Variants in KLRD1 observed in about 807,000 individuals in gnomAD.
KLRD1 encodes the protein killer cell lectin like receptor D1.
Under a neutral mutation model 22.6 loss-of-function variants are expected in KLRD1, and 21 were observed. The ratio of observed to expected loss-of-function variants is 0.93; its 90% confidence interval spans 0.66 to 1.34. The LOEUF is 1.34. Among genes scored for constraint, KLRD1 ranks in the 40% most tolerant of loss-of-function variants. The pLI, the probability that KLRD1 is intolerant of heterozygous loss-of-function variation, is 0.00. For missense variants in KLRD1, 183 were observed against 208.6 expected (o/e 0.88, Z 0.76); for synonymous variants, 59 against 71.1 (o/e 0.83, Z 0.85).
In KLRD1 at chr12:10,315,646, C is replaced by T. The variant is rs1225415816; in HGVS notation, c.*853C>T. ...AAAAATTTAAAATAATACAGGCAAGCATGTAATGATTATCAATATTTTTTT... is the reference window on the plus strand; with the variant it reads ...AAAAATTTAAAATAATACAGGCAAGTATGTAATGATTATCAATATTTTTTT... On this transcript the variant is annotated 3_prime_UTR_variant, in exon 6 of 6. Transcript: ENST00000336164. The T allele has an allele frequency of 1.3e-5, 2 of 152,614 alleles. No homozygotes were observed. The highest frequency in any genetic ancestry group is 2.9e-5 in the Non-Finnish European group (2 of 68,426). 9.5% of individuals were successfully genotyped at this position (152,614 alleles called of 1,614,324 possible). A position where few individuals can be genotyped will look rare whatever the true frequency, so the allele number is the denominator to read the frequency against.
intron 1 of KLRD1, among the ~76,000 whole-genome samples, chr12:10,271,386 G>A (rs910696442): frequency 6.6e-6 from 1 of 152,084 alleles, no homozygotes; most frequent in African/African-American, 2.4e-5. Context: ...GGCCATCGCC[G>A]CCTGGTTGAC....
chr12:10,292,763 C>T (rs1386726000), intron 1 of KLRD1, among the ~76,000 whole-genome samples: 1 of 152,144 alleles, frequency 6.6e-6, no homozygotes, highest in African/African-American at 2.4e-5. Context: ...GAGAGCCAGC[C>T]TGTCCTTTGA....
chr12:10,243,387 G>A (rs903775247), intron 1 of KLRD1, among the ~76,000 whole-genome samples: 16 of 152,060 alleles, frequency 1.1e-4, no homozygotes, highest in African/African-American at 3.6e-4. Context: ...GCCAAGGCAG[G>A]TGGATCACCT....
intron 1 of KLRD1, among the ~76,000 whole-genome samples, chr12:10,256,226 A>T (rs186745788): frequency 1.3e-5 from 2 of 151,922 alleles, no homozygotes; most frequent in East Asian, 3.9e-4. Context: ...TCTTTTATAG[A>T]CACCTTCTTA....
rs896070606 is a variant in KLRD1 at position 10,318,685 on chromosome 12, A to G, written c.*3892A>G. On this transcript the variant is annotated 3_prime_UTR_variant, in exon 6 of 6. Coordinates refer to ENST00000336164, the MANE Select transcript of KLRD1 (RefSeq NM_002262.5). Reference sequence around the variant, plus strand: ...ACGGTGAAACCCCGTGTGTACTACAAGTACAAAAAAATTAGCCAGGCGTGG... The same window carrying G: ...ACGGTGAAACCCCGTGTGTACTACAGGTACAAAAAAATTAGCCAGGCGTGG... 6 of 152,098 alleles carry G rather than the reference A, an allele frequency of 3.9e-5. No individual in the cohort carries two copies. The highest frequency in any genetic ancestry group is 1.4e-4 in the African/African-American group (6 of 41,380). 9.4% of individuals were successfully genotyped at this position (152,098 alleles called of 1,614,324 possible). A position where few individuals can be genotyped will look rare whatever the true frequency, so the allele number is the denominator to read the frequency against.
chr12:10,291,286 A>G (rs1949768006), intron 1 of KLRD1, among the ~76,000 whole-genome samples: 1 of 152,088 alleles, frequency 6.6e-6, no homozygotes. Flanking sequence ...GACAGTGGCA[A>G]TTTCTAAAAA....
intron 1 of KLRD1, among the ~76,000 whole-genome samples, chr12:10,281,409 T>G (rs1273120270): frequency 6.6e-6 from 1 of 152,184 alleles, no homozygotes; most frequent in Non-Finnish European, 1.5e-5. Flanking sequence ...AGCAATAGTA[T>G]ACTAAGACAG....
intron 1 of KLRD1, among the ~76,000 whole-genome samples, chr12:10,244,090 G>C (rs1197166648): frequency 6.6e-6 from 1 of 152,042 alleles, no homozygotes; most frequent in Non-Finnish European, 1.5e-5. Flanking sequence ...GTGGCAAATA[G>C]GTCACTTGTT....
At chr12:10,280,336 T>G (rs1430451478) in intron 1 of KLRD1, among the ~76,000 whole-genome samples, 1 of 152,346 alleles carries the variant, frequency 6.6e-6, no homozygotes, top group Non-Finnish European at 1.5e-5. Flanking sequence ...AGAATAGAGA[T>G]GGACCGCTTC....
intron 1 of KLRD1, among the ~76,000 whole-genome samples, chr12:10,284,395 A>G (rs1047556193): frequency 5.3e-5 from 8 of 152,288 alleles, no homozygotes; most frequent in African/African-American, 1.7e-4. Flanking sequence ...AATTGAGTAT[A>G]ATTTAATCCA....
chr12:10,289,071 A>G (rs1949739936), intron 1 of KLRD1, among the ~76,000 whole-genome samples: 1 of 152,216 alleles, frequency 6.6e-6, no homozygotes, highest in Non-Finnish European at 1.5e-5. Flanking sequence ...CAATGTAGAC[A>G]GTTTTGCCTA....
In KLRD1 at chr12:10,328,935, T is replaced by A. The variant is rs3937752; in HGVS notation, c.*14142T>A. 0.56 allele frequency: 84,675 copies of A among 151,908 alleles called. 24,018 individuals are homozygous for A. Among genetic ancestry groups the A allele is most frequent in the East Asian group, 0.8 (4,122 of 5,148 alleles). 9.4% of individuals were successfully genotyped at this position (151,908 alleles called of 1,614,324 possible). ...GGGGGTTTCCCCTTATAAAACCATC[T>A]GATTTCATAAGACTGATTCACTACC... On this transcript the variant is annotated 3_prime_UTR_variant, in exon 6 of 6. Coordinates refer to ENST00000336164, the MANE Select transcript of KLRD1 (RefSeq NM_002262.5).
rs1950312184 is a variant in KLRD1 at position 10,321,513 on chromosome 12, C to T, written c.*6720C>T. The T allele has an allele frequency of 6.6e-6, 1 of 152,160 alleles. No homozygotes were observed. Among genetic ancestry groups the T allele is most frequent in the Non-Finnish European group, 1.5e-5 (1 of 68,034 alleles). 9.4% of individuals were successfully genotyped at this position (152,160 alleles called of 1,614,324 possible). On this transcript the variant is annotated 3_prime_UTR_variant, in exon 6 of 6. Coordinates refer to ENST00000336164, the MANE Select transcript of KLRD1 (RefSeq NM_002262.5). ...GCTTCCTATATGCTCCCAATGATCC[C>T]TGTTTCTTGGAATTTAACCCTTTTG... is the stretch of plus-strand genomic sequence containing the variant.
intron 1 of KLRD1, among the ~76,000 whole-genome samples, chr12:10,252,825 T>C (rs996145927): frequency 6.6e-6 from 1 of 152,084 alleles, no homozygotes; most frequent in African/African-American, 2.4e-5. Context: ...CTATCGCAGC[T>C]GTGTGTACAC....
At position 10,290,515 on chromosome 12, in the gene KLRD1, TAAAG is replaced by T. The variant is rs1949758017; in HGVS notation, c.-100-17458_-100-17455del. On this transcript the variant is annotated intron_variant, in intron 1 of 5. Coordinates refer to the KLRD1 transcript ENST00000544747. ...TAAATCTGTGTGATCTTATTTATAT[TAAAG>T]AAAGCATTGGACATAATAGAATGCC... is the stretch of plus-strand genomic sequence containing the variant. Among the ~76,000 whole-genome samples the T allele has an allele frequency of 5.3e-5, 8 of 152,286 alleles. No individual in the cohort carries two copies. In the South Asian group the frequency reaches 1.7e-3, roughly 32 times the overall value.
chr12:10,301,570 T>C (rs1281189819), upstream of KLRD1, among the ~76,000 whole-genome samples: 1 of 152,252 alleles, frequency 6.6e-6, no homozygotes, highest in East Asian at 1.9e-4. Flanking sequence ...TTGCGATTGT[T>C]AAACTCTTTC....
At position 10,328,086 on chromosome 12, in the gene KLRD1, CA is replaced by C. The variant is rs1408231166; in HGVS notation, c.*13294del. Reference sequence around the variant, plus strand: ...GCTACTACTTTGTTGAGGATTTTTGCATCTACGTTTACTAGACATATTGGCT... The same window carrying C: ...GCTACTACTTTGTTGAGGATTTTTGCTCTACGTTTACTAGACATATTGGCT... On this transcript the variant is annotated 3_prime_UTR_variant, in exon 6 of 6. Transcript: ENST00000336164. 3 of 152,082 alleles carry C rather than the reference CA, an allele frequency of 2.0e-5. No individual in the cohort carries two copies. Among genetic ancestry groups the C allele is most frequent in the African/African-American group, 7.2e-5 (3 of 41,410 alleles). The allele number at this position is 152,082 out of a possible 1,614,324, so 9.4% of individuals were successfully genotyped here.
At chr12:10,311,811 G>A in intron 4 of KLRD1, 196 bp downstream of exon 4, 1 of 438,472 alleles carries the variant, frequency 2.3e-6, no homozygotes, top group South Asian at 6.1e-5. Context: ...TATATCATGG[G>A]AATACAAATC....
In KLRD1 at chr12:10,314,834, C is replaced by A; in HGVS notation, c.*41C>A. On this transcript the variant is annotated 3_prime_UTR_variant, in exon 6 of 6. Transcript: ENST00000336164. The stretch of plus-strand genomic sequence containing the variant: ...GAGAAGGTGGAGAGTAAAGACCCAA[C>A]ATTACTAACAATGATACAGTTGCAT... 1 of 1,549,276 alleles carries A rather than the reference C, an allele frequency of 6.5e-7. No individual in the cohort carries two copies. The highest frequency in any genetic ancestry group is 8.8e-7 in the Non-Finnish European group (1 of 1,139,186).
Sources: allele counts gnomAD v4.1 joint callset (sites outside exome capture counted in the v4.1 genomes callset), GRCh38; gene constraint gnomAD v4.1.1; transcripts MANE v1.5; gene names NCBI Gene and HGNC (gene_info 2026-07-23, HGNC 2026-07-21).